ATP10B: variants seen among roughly 807,000 people sequenced by gnomAD.
ATP10B encodes the protein ATPase phospholipid transporting 10B (putative), also known as phospholipid-transporting ATPase VB.
ATP10B carries 122 observed loss-of-function variants against 141.2 expected under a neutral mutation model. That is an observed-to-expected ratio of 0.86 (90% CI 0.75 to 1.00). The LOEUF is 1.00. Among genes scored for constraint, ATP10B ranks in the 50% least tolerant of loss-of-function variants. The probability of loss-of-function intolerance (pLI) is 0.00; values close to 1 mark genes in which losing one functional copy is unlikely to be tolerated. For missense variants in ATP10B, 1,876 were observed against 1,825.3 expected (o/e 1.03, Z -0.51); for synonymous variants, 685 against 692.0 (o/e 0.99, Z 0.16).
the ATP10B span, among the ~76,000 whole-genome samples, chr5:160,882,058 G>A: frequency 6.6e-6 from 1 of 152,248 alleles, no homozygotes; most frequent in South Asian, 2.1e-4. Context: ...GTAAAACTCT[G>A]GAGACAATAA....
intron 1 of ATP10B, among the ~76,000 whole-genome samples, chr5:160,791,376 C>T (rs1469731067): frequency 2.0e-5 from 3 of 152,198 alleles, no homozygotes; most frequent in Non-Finnish European, 4.4e-5. Context: ...GGAGCAAGTG[C>T]GGCTTGAAAC....
chr5:160,574,601 C>T (rs964157569), intron 24 of ATP10B, among the ~76,000 whole-genome samples: 6 of 152,236 alleles, frequency 3.9e-5, no homozygotes, highest in Middle Eastern at 3.4e-3. Flanking sequence ...ATGTTGGAAC[C>T]TAATACCCAC....
intron 24 of ATP10B, among the ~76,000 whole-genome samples, chr5:160,572,180 T>G (rs1478570631): frequency 1.5e-5 from 1 of 68,220 alleles, no homozygotes; most frequent in East Asian, 5.6e-4. Context: ...TGCTCATGCT[T>G]TTAAAGAGTT....
chr5:160,619,045 T>C (rs977225692), intron 15 of ATP10B, among the ~76,000 whole-genome samples: 1 of 152,214 alleles, frequency 6.6e-6, no homozygotes, highest in African/African-American at 2.4e-5. Context: ...TCAAAGATTA[T>C]TTTCTCATTT....
intron 3 of ATP10B, among the ~76,000 whole-genome samples, chr5:160,708,057 C>G (rs1360712007): frequency 6.6e-6 from 1 of 152,074 alleles, no homozygotes; most frequent in Admixed American, 6.6e-5. Context: ...GGCAAGAGAC[C>G]ATGGATGTTT....
intron 1 of ATP10B, among the ~76,000 whole-genome samples, chr5:160,795,359 G>C (rs10078775): frequency 0.44 from 66,941 of 151,846 alleles, 14,851 homozygotes; most frequent in East Asian, 0.6. Flanking sequence ...GTAGAGAGAA[G>C]TCTTGACTCA....
In ATP10B at chr5:160,620,533, C is replaced by T. The variant is rs1330942015; in HGVS notation, c.2230G>A (p.Glu744Lys). 3.1e-6 allele frequency: 5 copies of T among 1,614,036 alleles called. No homozygotes were observed. Among genetic ancestry groups the T allele is most frequent in the South Asian group, 2.2e-5 (2 of 91,060 alleles). Residue 744 changes from glutamate (E) to lysine (K), a missense_variant, in exon 15 of 26, where the codon GAG becomes AAG. Glu to Lys is a moderately conservative substitution (Grantham distance 56). Coordinates refer to ENST00000327245, the MANE Select transcript of ATP10B (RefSeq NM_025153.3). ...TGGGGCAGGCGCACAGTCACCTGCTCAGGTGTCCGGGACACTAGTGTGAAG... is the reference window on the plus strand; with the variant it reads ...TGGGGCAGGCGCACAGTCACCTGCTTAGGTGTCCGGGACACTAGTGTGAAG... ...YSFTLVSRTP[E>K]QVTVRLPQGT...
At chr5:160,867,606 T>A in the ATP10B span, among the ~76,000 whole-genome samples, 1 of 152,124 alleles carries the variant, frequency 6.6e-6, no homozygotes, top group Non-Finnish European at 1.5e-5. Context: ...TGTATCCATA[T>A]GATATTTTTG....
chr5:160,865,548 T>A, the ATP10B span, among the ~76,000 whole-genome samples: 1 of 151,728 alleles, frequency 6.6e-6, no homozygotes, highest in African/African-American at 2.4e-5. Flanking sequence ...CAAAATCAAA[T>A]GCAACAAAAA....
At chr5:160,615,147 T>C (rs1757925693) in intron 17 of ATP10B, among the ~76,000 whole-genome samples, 1 of 152,112 alleles carries the variant, frequency 6.6e-6, no homozygotes, top group South Asian at 2.1e-4. Context: ...CTCTGCCCTC[T>C]CCAAACCTTT....
intron 2 of ATP10B, among the ~76,000 whole-genome samples, chr5:160,777,606 C>G (rs185797387): frequency 1.3e-5 from 2 of 152,288 alleles, no homozygotes; most frequent in East Asian, 1.9e-4. Context: ...CGGATGTGTA[C>G]AGAAGCTGGC....
chr5:160,657,051 C>T (rs779235528), intron 7 of ATP10B, among the ~76,000 whole-genome samples: 3 of 152,116 alleles, frequency 2.0e-5, no homozygotes, highest in Admixed American at 6.5e-5. Flanking sequence ...CGGCACTGAC[C>T]GTCCTGTGTG....
chr5:160,785,541 A>G lies in ATP10B; in HGVS notation c.-331+18T>C. ...TGGGCTTCTAATGACCCCACTGCCC[A>G]AGAAGTAAAGATAGTACCTGATAGG... On this transcript the variant is annotated intron_variant, in intron 2 of 25. Coordinates refer to ENST00000327245, the MANE Select transcript of ATP10B (RefSeq NM_025153.3). The G allele has an allele frequency of 1.7e-6, 1 of 595,734 alleles. No individual in the cohort carries two copies. Among genetic ancestry groups the G allele is most frequent in the Non-Finnish European group, 2.8e-6 (1 of 355,396 alleles). The allele number at this position is 595,734 out of a possible 1,614,324, so 36.9% of individuals were successfully genotyped here.
chr5:160,609,750 T>C (rs1757604740), intron 18 of ATP10B, among the ~76,000 whole-genome samples: 2 of 152,144 alleles, frequency 1.3e-5, no homozygotes, highest in African/African-American at 2.4e-5. Flanking sequence ...AGATGCTAAA[T>C]TGAGTGTTGC....
At chr5:160,657,845 G>A (rs1761615613) in intron 7 of ATP10B, among the ~76,000 whole-genome samples, 1 of 152,210 alleles carries the variant, frequency 6.6e-6, no homozygotes, top group Admixed American at 6.5e-5. Flanking sequence ...GCAGATAGAA[G>A]GCTTTTAATA....
At chr5:160,865,462 A>G in the ATP10B span, among the ~76,000 whole-genome samples, 4 of 152,174 alleles carry the variant, frequency 2.6e-5, no homozygotes, top group East Asian at 5.8e-4. Flanking sequence ...ACCTGAAACC[A>G]TACAAATTCT....
At chr5:160,859,970 A>T in the ATP10B span, among the ~76,000 whole-genome samples, 3 of 151,948 alleles carry the variant, frequency 2.0e-5, no homozygotes. Flanking sequence ...GAAATAGCTT[A>T]ATTTTTACTT....
chr5:160,920,003 G>A, the ATP10B span, among the ~76,000 whole-genome samples: 5 of 152,204 alleles, frequency 3.3e-5, no homozygotes, highest in African/African-American at 1.2e-4. Context: ...GGTAGAACTC[G>A]AGTTCCTGAG....
intron 3 of ATP10B, among the ~76,000 whole-genome samples, chr5:160,699,277 A>G (rs777404224): frequency 6.6e-6 from 1 of 152,242 alleles, no homozygotes; most frequent in Non-Finnish European, 1.5e-5. Flanking sequence ...GATTTCACTT[A>G]AAAATTGTTT....
Sources: gnomAD v4.1 joint callset for allele counts (sites outside exome capture counted in the v4.1 genomes callset) on GRCh38, gnomAD v4.1.1 for gene constraint, MANE v1.5 for transcripts, NCBI Gene and HGNC (gene_info 2026-07-23, HGNC 2026-07-21) for gene names.